Variants in LOC128092252 observed in about 807,000 individuals in gnomAD.
the LOC128092252 span, among the ~76,000 whole-genome samples, chr15:50,650,735 C>T: frequency 5.9e-5 from 9 of 151,984 alleles, no homozygotes; most frequent in East Asian, 1.7e-3. Context: ...ACCTAGACAG[C>T]CCATGCCCTG....
chr15:50,650,739 T>C, the LOC128092252 span, among the ~76,000 whole-genome samples: 1 of 151,836 alleles, frequency 6.6e-6, no homozygotes, highest in African/African-American at 2.4e-5. Context: ...AGACAGCCCA[T>C]GCCCTGACAA....
the LOC128092252 span, chr15:50,663,115 A>G: frequency 8.7e-7 from 1 of 1,154,218 alleles, no homozygotes; most frequent in Non-Finnish European, 1.3e-6. Flanking sequence ...CAATTTCATG[A>G]TAAACACATA....
chr15:50,667,521 A>C, the LOC128092252 span, among the ~76,000 whole-genome samples: 1 of 152,172 alleles, frequency 6.6e-6, no homozygotes, highest in Non-Finnish European at 1.5e-5. Flanking sequence ...AGCCTGGCCG[A>C]CATGTAAAAC....
the LOC128092252 span, among the ~76,000 whole-genome samples, chr15:50,666,353 T>C: frequency 1.3e-5 from 2 of 151,474 alleles, no homozygotes; most frequent in Non-Finnish European, 2.9e-5. Context: ...AGCCAGAGGA[T>C]CATCTGAACC....
the LOC128092252 span, among the ~76,000 whole-genome samples, chr15:50,665,961 C>A: frequency 2.0e-5 from 3 of 151,798 alleles, no homozygotes; most frequent in Admixed American, 2.0e-4. Context: ...CTACTGCACT[C>A]CAGCCTGGGC....
the LOC128092252 span, among the ~76,000 whole-genome samples, chr15:50,672,702 G>A: frequency 6.6e-6 from 1 of 151,814 alleles, no homozygotes; most frequent in Admixed American, 6.6e-5. Context: ...CTGAGGTCAC[G>A]AGTTCGAGAC....
chr15:50,680,439 G>A, the LOC128092252 span, among the ~76,000 whole-genome samples: 2 of 151,476 alleles, frequency 1.3e-5, no homozygotes, highest in East Asian at 1.9e-4. Context: ...ATGTGGTGGC[G>A]CAACCTGTAA....
the LOC128092252 span, among the ~76,000 whole-genome samples, chr15:50,674,559 T>G: frequency 6.6e-6 from 1 of 152,226 alleles, no homozygotes; most frequent in Non-Finnish European, 1.5e-5. Flanking sequence ...ATACTAAAAA[T>G]ACAAATGATT....
chr15:50,686,616 C>T, the LOC128092252 span: 29 of 1,568,250 alleles, frequency 1.8e-5, no homozygotes, highest in African/African-American at 3.6e-4. Context: ...CGGGAAGCGT[C>T]TCCGGAGGCG....
chr15:50,661,159 T>C, the LOC128092252 span, among the ~76,000 whole-genome samples: 8,847 of 152,034 alleles, frequency 0.058, 328 homozygotes, highest in African/African-American at 0.11. Context: ...GTATTTTTAG[T>C]AGAGACAGTG....
the LOC128092252 span, among the ~76,000 whole-genome samples, chr15:50,679,990 T>C: frequency 1.4e-4 from 21 of 150,902 alleles, no homozygotes; most frequent in Admixed American, 1.4e-3. Flanking sequence ...TCCCAGCACT[T>C]TGGGGGGCCA....
the LOC128092252 span, among the ~76,000 whole-genome samples, chr15:50,656,229 T>C: frequency 6.6e-6 from 1 of 152,090 alleles, no homozygotes; most frequent in African/African-American, 2.4e-5. Context: ...CCTCACCATC[T>C]ATAAGAAGAA....
At chr15:50,652,525 C>CAA in the LOC128092252 span, among the ~76,000 whole-genome samples, 23 of 128,092 alleles carry the variant, frequency 1.8e-4, no homozygotes, top group East Asian at 6.8e-4. Flanking sequence ...GACTCTGTCT[C>CAA]AAAAAAAAAA....
the LOC128092252 span, chr15:50,686,637 C>T: frequency 4.8e-5 from 73 of 1,510,934 alleles, no homozygotes; most frequent in Non-Finnish European, 6.5e-5. Context: ...GCAGCAGAGG[C>T]CGCCGGACAA....
chr15:50,682,079 G>A, the LOC128092252 span, among the ~76,000 whole-genome samples: 1 of 148,248 alleles, frequency 6.7e-6, no homozygotes, highest in Non-Finnish European at 1.5e-5. Context: ...TCGAGAGGCT[G>A]AGGCAGGAGA....
the LOC128092252 span, among the ~76,000 whole-genome samples, chr15:50,683,735 A>AAAC: frequency 2.6e-4 from 40 of 152,260 alleles, no homozygotes; most frequent in African/African-American, 8.9e-4. Flanking sequence ...AAACAAAATA[A>AAAC]AACAACAACA....
At chr15:50,682,467 A>T in the LOC128092252 span, among the ~76,000 whole-genome samples, 1 of 151,788 alleles carries the variant, frequency 6.6e-6, no homozygotes, top group African/African-American at 2.4e-5. Context: ...AATCCCAGCT[A>T]CTAGAGGCTG....
At chr15:50,684,181 C>A in the LOC128092252 span, among the ~76,000 whole-genome samples, 1 of 148,714 alleles carries the variant, frequency 6.7e-6, no homozygotes, top group African/African-American at 2.5e-5. Flanking sequence ...GAGACAGAGT[C>A]TCACTCTGTC....
At chr15:50,651,230 C>T in the LOC128092252 span, among the ~76,000 whole-genome samples, 1 of 147,138 alleles carries the variant, frequency 6.8e-6, no homozygotes, top group Non-Finnish European at 1.5e-5. Flanking sequence ...CTGAGGCATG[C>T]AAAGAAGCAG....
Sources: allele counts gnomAD v4.1 joint callset (sites outside exome capture counted in the v4.1 genomes callset), GRCh38; gene constraint gnomAD v4.1.1; transcripts MANE v1.5.